SLAIN1: variants seen among roughly 807,000 people sequenced by gnomAD.
SLAIN1 encodes SLAIN motif-containing protein 1.
Under a neutral mutation model 55.4 loss-of-function variants are expected in SLAIN1, and 17 were observed. The ratio of observed to expected loss-of-function variants is 0.31; its 90% CI spans 0.21 to 0.46. The LOEUF (loss-of-function observed/expected upper bound fraction) is 0.46. Ranked by LOEUF, SLAIN1 falls within the 20% of genes least tolerant of loss-of-function variation. The pLI is 1.00. For missense variants in SLAIN1, 682 were observed against 785.1 expected, an observed-to-expected ratio of 0.87 and a Z score of 1.57; for synonymous variants, 348 against 337.4, an observed-to-expected ratio of 1.03 and a Z score of -0.35.
At chr13:77,738,209 CACAT>C (rs1246124750) in intron 2 of SLAIN1, among the ~76,000 whole-genome samples, 6 of 133,238 alleles carry the variant, frequency 4.5e-5, no homozygotes, top group African/African-American at 1.7e-4. Context: ...CACACACACA[CACAT>C]ATACACATAC....
At chr13:77,739,386 A>G (rs1282868261) in intron 2 of SLAIN1, among the ~76,000 whole-genome samples, 1 of 152,094 alleles carries the variant, frequency 6.6e-6, no homozygotes, top group Non-Finnish European at 1.5e-5. Context: ...TATTGAGTGC[A>G]TACTGTGTTC....
At chr13:77,705,784 A>G (rs768262698) in intron 1 of SLAIN1, among the ~76,000 whole-genome samples, 1 of 152,008 alleles carries the variant, frequency 6.6e-6, no homozygotes, top group Non-Finnish European at 1.5e-5. Flanking sequence ...TATTTTGAGA[A>G]TAACTGAGAC....
chr13:77,725,630 A>G (rs536832636), intron 2 of SLAIN1, among the ~76,000 whole-genome samples: 135 of 152,340 alleles, frequency 8.9e-4, no homozygotes, highest in Non-Finnish European at 9.6e-4. Context: ...TTCAAAAAGT[A>G]AAGATTAATT....
chr13:77,728,218 G>A (rs751957802), intron 2 of SLAIN1, among the ~76,000 whole-genome samples: 1 of 152,272 alleles, frequency 6.6e-6, no homozygotes, highest in African/African-American at 2.4e-5. Flanking sequence ...GAACTTTCAT[G>A]GGTAGGATTA....
At chr13:77,759,081 T>C (rs1294459670) in intron 5 of SLAIN1, among the ~76,000 whole-genome samples, 1 of 152,152 alleles carries the variant, frequency 6.6e-6, no homozygotes, top group African/African-American at 2.4e-5. Context: ...GGATGTGTTT[T>C]GTTTGTGTCA....
chr13:77,740,279 A>G (rs946145979), intron 2 of SLAIN1, among the ~76,000 whole-genome samples: 5 of 152,068 alleles, frequency 3.3e-5, no homozygotes, highest in Non-Finnish European at 5.9e-5. Flanking sequence ...AGTTTGTTGA[A>G]GAGCAGGTTG....
intron 1 of SLAIN1, among the ~76,000 whole-genome samples, chr13:77,712,095 A>T (rs186960229): frequency 6.6e-6 from 1 of 152,200 alleles, no homozygotes; most frequent in South Asian, 2.1e-4. Flanking sequence ...ATTTATGACA[A>T]ACCCACAGCC....
intron 2 of SLAIN1, among the ~76,000 whole-genome samples, chr13:77,724,822 G>A (rs1359026366): frequency 1.3e-5 from 2 of 152,092 alleles, no homozygotes; most frequent in Non-Finnish European, 2.9e-5. Flanking sequence ...CATGTGCCAT[G>A]TTGGTGTGCT....
rs1875192448 is a variant in SLAIN1 at position 77,763,187 on chromosome 13, G to A, written c.1740G>A (p.Leu580=). Residue 580 remains leucine (L), a synonymous_variant, in exon 7 of 7, where the codon CTG becomes CTA. Transcript: ENST00000418532. Reference sequence around the variant, plus strand: ...AGCCTCTGTCTTCACTCAGCACTCTGAGGGATGGAAATTGGAGAGATGGTT... The same window carrying A: ...AGCCTCTGTCTTCACTCAGCACTCTAAGGGATGGAAATTGGAGAGATGGTT... ...PPKPLSSLST[L]RDGNWRDGCY is the part of the protein sequence containing the mutation. 6.2e-7 allele frequency: 1 copy of A among 1,613,960 alleles called. No individual in the cohort carries two copies. The highest frequency in any genetic ancestry group is 1.3e-5 in the African/African-American group (1 of 74,930).
At chr13:77,706,542 A>T (rs997569997) in intron 1 of SLAIN1, among the ~76,000 whole-genome samples, 4 of 151,956 alleles carry the variant, frequency 2.6e-5, no homozygotes, top group African/African-American at 9.7e-5. Context: ...CCCCTCTGAA[A>T]CTCTTAATCT....
intron 1 of SLAIN1, among the ~76,000 whole-genome samples, chr13:77,701,988 A>G (rs947709845): frequency 8.6e-5 from 12 of 139,140 alleles, no homozygotes; most frequent in South Asian, 4.7e-4. Context: ...TCATTGTTCA[A>G]TTCCCACCTA....
At chr13:77,707,694 A>G (rs764019603) in intron 1 of SLAIN1, among the ~76,000 whole-genome samples, 1 of 152,166 alleles carries the variant, frequency 6.6e-6, no homozygotes, top group Non-Finnish European at 1.5e-5. Context: ...TAAACCTTCT[A>G]TACTCCTAGG....
Position 77,746,586 on chromosome 13 carries a change from GA to G in SLAIN1, c.996del (p.Thr334HisfsTer96). ...RHSSSVSLSS[G>X]KKGTCSDQEY... Reference sequence around the variant, plus strand: ...AGTTCCAGTGTGTCATTGAGTTCAGGAAAAAAAGGGACATGTAGTGATCAAG... The same window carrying G: ...AGTTCCAGTGTGTCATTGAGTTCAGGAAAAAAGGGACATGTAGTGATCAAG... On this transcript the variant is annotated frameshift_variant, in exon 4 of 7. Transcript: ENST00000418532. LOFTEE classifies it high-confidence loss of function. The G allele has an allele frequency of 1.2e-6, 2 of 1,613,202 alleles. No homozygotes were observed. Among genetic ancestry groups the G allele is most frequent in the Non-Finnish European group, 1.7e-6 (2 of 1,179,562 alleles).
At chr13:77,758,390 C>T (rs139444440) in intron 5 of SLAIN1, among the ~76,000 whole-genome samples, 256 of 151,950 alleles carry the variant, frequency 1.7e-3, no homozygotes, top group African/African-American at 5.7e-3. Context: ...TGTTTACTCA[C>T]TGATTATTTA....
chr13:77,720,031 G>A (rs963062217), intron 2 of SLAIN1, among the ~76,000 whole-genome samples: 4 of 152,040 alleles, frequency 2.6e-5, no homozygotes, highest in African/African-American at 9.7e-5. Context: ...CAGAAAACAG[G>A]ATTTCATGGG....
intron 5 of SLAIN1, among the ~76,000 whole-genome samples, chr13:77,758,462 G>A (rs1005849124): frequency 3.9e-5 from 6 of 151,950 alleles, no homozygotes; most frequent in Admixed American, 1.3e-4. Context: ...TGTTTGAGTT[G>A]CCTTTGCTTT....
rs1485591254 is a variant in SLAIN1, at chr13:77,763,696, T to C, written c.*476T>C. The C allele has an allele frequency of 2.0e-5, 3 of 153,810 alleles. No homozygotes were observed. Among genetic ancestry groups the C allele is most frequent in the African/African-American group, 7.2e-5 (3 of 41,478 alleles). 9.5% of individuals were successfully genotyped at this position (153,810 alleles called of 1,614,324 possible). On this transcript the variant is annotated 3_prime_UTR_variant, in exon 7 of 7. Transcript: ENST00000418532. ...ACAGGAATTTTATTTTTTGTGCCTATTTCTTTTTACACCTATGTGAACCAC... is the reference window on the plus strand; with the variant it reads ...ACAGGAATTTTATTTTTTGTGCCTACTTCTTTTTACACCTATGTGAACCAC...
intron 2 of SLAIN1, among the ~76,000 whole-genome samples, chr13:77,729,851 G>A (rs145735392): frequency 6.6e-5 from 10 of 152,248 alleles, no homozygotes; most frequent in South Asian, 4.2e-4. Flanking sequence ...TCCCAAAGAC[G>A]TGAGGCATCA....
Position 77,762,616 on chromosome 13 carries a change from T to A in SLAIN1, c.1698-529T>A, listed in dbSNP as rs527804283. The stretch of plus-strand genomic sequence containing the variant: ...GGTCTTGCTATGTTGCCCAAGCTGG[T>A]CTTGAATTCCTGGCCTCAAGTTTTC... On this transcript the variant is annotated intron_variant, in intron 6 of 6. Transcript: ENST00000418532. Among the ~76,000 whole-genome samples, 3 of 152,228 alleles carry A rather than the reference T, an allele frequency of 2.0e-5. No individual in the cohort carries two copies. The East Asian group carries it at 5.8e-4, about 29-fold the overall frequency.
Sources: gnomAD v4.1 joint callset for allele counts (sites outside exome capture counted in the v4.1 genomes callset) on GRCh38, gnomAD v4.1.1 for gene constraint, MANE v1.5 for transcripts, NCBI Gene and HGNC (gene_info 2026-07-23, HGNC 2026-07-21) for gene names.